SMG5: variants seen among roughly 807,000 people sequenced by gnomAD.
SMG5 encodes the protein nonsense-mediated mRNA decay factor SMG5.
A neutral mutation model predicts 122.9 loss-of-function variants in SMG5; 53 were observed. That is an observed-to-expected ratio of 0.43 (90% CI 0.35 to 0.54). SMG5 has a LOEUF of 0.54. SMG5 is among the 20% of genes least tolerant of loss of function. The pLI is 0.01. For synonymous variants in SMG5, 477 were observed against 490.2 expected (o/e 0.97, Z 0.35); for missense variants, 1,153 against 1,285.6 (o/e 0.90, Z 1.58).
the SMG5 span, among the ~76,000 whole-genome samples, chr1:156,289,808 T>G: frequency 6.6e-6 from 1 of 152,190 alleles, no homozygotes; most frequent in African/African-American, 2.4e-5. Context: ...AGGAAGTTGC[T>G]CTCCCCTCCC....
At chr1:156,274,503 T>C (rs1281383564) in intron 5 of SMG5, 94 bp downstream of exon 5, 1 of 1,123,196 alleles carries the variant, frequency 8.9e-7, no homozygotes, top group Non-Finnish European at 1.4e-6. Context: ...TCCCTCCTGC[T>C]CTCCAACCAT....
chr1:156,288,798 A>G, the SMG5 span, among the ~76,000 whole-genome samples: 1 of 152,158 alleles, frequency 6.6e-6, no homozygotes, highest in Non-Finnish European at 1.5e-5. Flanking sequence ...TTTTCTCCCA[A>G]TAGGTTTTCC....
chr1:156,280,194 G>T (rs1662868523), intron 1 of SMG5, among the ~76,000 whole-genome samples: 1 of 152,252 alleles, frequency 6.6e-6, no homozygotes, highest in South Asian at 2.1e-4. Flanking sequence ...CCAGAGGTAG[G>T]TCTCATATCT....
chr1:156,286,820 T>C (rs2101589119), upstream of SMG5, among the ~76,000 whole-genome samples: 1 of 152,306 alleles, frequency 6.6e-6, no homozygotes, highest in Middle Eastern at 3.4e-3. Context: ...AAAATAGATA[T>C]ATTTTTTCAA....
At chr1:156,289,376 A>G in the SMG5 span, among the ~76,000 whole-genome samples, 1 of 152,214 alleles carries the variant, frequency 6.6e-6, no homozygotes, top group Non-Finnish European at 1.5e-5. Flanking sequence ...TGGGAGGCCA[A>G]GGCGGGTGGA....
At chr1:156,251,266 T>G in intron 20 of SMG5, 137 bp downstream of exon 20, 2 of 1,070,918 alleles carry the variant, frequency 1.9e-6, no homozygotes, top group Non-Finnish European at 2.9e-6. Flanking sequence ...CCTCGCAAGG[T>G]GAGGCCTGCA....
In SMG5 at chr1:156,273,442, G is replaced by C; in HGVS notation, c.553C>G (p.Gln185Glu). Residue 185 changes from glutamine to glutamate, a missense_variant, in exon 6 of 22, where the codon CAG becomes GAG. Gln to Glu is a conservative substitution (Grantham distance 29, BLOSUM62 2). Around this residue, in one of 5 missense-constraint regions of SMG5, gnomAD observed 85 missense variants for 127.3 expected, o/e 0.67. Transcript: ENST00000361813. Reference protein sequence around the residue: ...LVYLGDLSRYQNELAGVDTEL... With the variant: ...LVYLGDLSRYENELAGVDTEL... ...GTATCTACGCCAGCTAATTCATTCT[G>C]ATATCGGGCTGCACAAGAGAGAAAA... 1 of 1,613,860 alleles carries C rather than the reference G, an allele frequency of 6.2e-7. No homozygotes were observed. The highest frequency in any genetic ancestry group is 8.5e-7 in the Non-Finnish European group (1 of 1,179,912).
chr1:156,267,316 G>T (rs1178891608), intron 10 of SMG5, among the ~76,000 whole-genome samples, 154 bp downstream of exon 10: 1 of 152,194 alleles, frequency 6.6e-6, no homozygotes, highest in Non-Finnish European at 1.5e-5. Context: ...TTTAGGGTAG[G>T]ATCCCTTGGC....
At chr1:156,277,291 G>T in intron 3 of SMG5, 50 bp from the exon 4 acceptor site, 1 of 1,576,956 alleles carries the variant, frequency 6.3e-7, no homozygotes, top group South Asian at 1.2e-5. Context: ...ACTCAGAGTC[G>T]CACTCACCCT....
Position 156,267,674 on chromosome 1 carries a change from C to A in SMG5, c.913G>T (p.Val305Leu). The change falls in exon 10 of 22, where the codon GTG becomes TTG. Residue 305 changes from valine (V) to leucine (L), a missense_variant. Around this residue, in one of 5 missense-constraint regions of SMG5, gnomAD observed 631 missense variants for 650.6 expected, o/e 0.97. Coordinates refer to ENST00000361813, the MANE Select transcript of SMG5 (RefSeq NM_015327.3). ...QSLLQPKSSS[V>L]DSELTSLCQS... ...CAAAGTGAGGTCAGCTCTGAGTCCA[C>A]GGAGCTACAGAGGGGCAGGAGTAAC... 1.2e-6 allele frequency: 2 copies of A among 1,607,450 alleles called. No homozygotes were observed. Among genetic ancestry groups the A allele is most frequent in the South Asian group, 1.1e-5 (1 of 90,336 alleles).
the SMG5 span, among the ~76,000 whole-genome samples, chr1:156,288,352 T>C: frequency 6.6e-6 from 1 of 151,794 alleles, no homozygotes; most frequent in Non-Finnish European, 1.5e-5. Flanking sequence ...TTTTTTTTTT[T>C]TGAGATGGTG....
At chr1:156,266,904 G>A (rs1662178831) in intron 10 of SMG5, among the ~76,000 whole-genome samples, 1 of 151,776 alleles carries the variant, frequency 6.6e-6, no homozygotes, top group Non-Finnish European at 1.5e-5. Flanking sequence ...GCCTCCCAAA[G>A]TGCTGGGATT....
At chr1:156,278,198 CA>C (rs1199964400) in intron 2 of SMG5, 150 bp from the exon 3 acceptor site, 6 of 946,356 alleles carry the variant, frequency 6.3e-6, no homozygotes, top group Non-Finnish European at 9.1e-6. Flanking sequence ...CCCAGCACAA[CA>C]GCAGCCTAGG....
intron 13 of SMG5, among the ~76,000 whole-genome samples, chr1:156,262,804 A>G (rs527642452): frequency 6.6e-6 from 1 of 152,322 alleles, no homozygotes; most frequent in African/African-American, 2.4e-5. Context: ...AAAGTCTTCC[A>G]CAGCAGGGCA....
intron 1 of SMG5, among the ~76,000 whole-genome samples, chr1:156,279,523 T>TACCCA (rs1310161653): frequency 5.9e-5 from 9 of 152,190 alleles, no homozygotes; most frequent in Non-Finnish European, 1.3e-4. Context: ...TTGGGCAAAT[T>TACCCA]ACCCACCCTT....
intron 4 of SMG5, 86 bp from the exon 5 acceptor site, chr1:156,274,772 C>T: frequency 2.8e-6 from 3 of 1,060,994 alleles, no homozygotes; most frequent in Non-Finnish European, 4.3e-6. Context: ...GATGTAGAGA[C>T]TAAGAATCCA....
intron 16 of SMG5, among the ~76,000 whole-genome samples, chr1:156,254,243 A>C (rs2103207913): frequency 6.6e-6 from 1 of 152,268 alleles, no homozygotes; most frequent in South Asian, 2.1e-4. Context: ...CCTCTAATTC[A>C]ATCCCTCTTC....
upstream of SMG5, chr1:156,286,020 G>A (rs1477305979): frequency 1.3e-6 from 2 of 1,573,126 alleles, no homozygotes; most frequent in Non-Finnish European, 1.7e-6. Context: ...TCGGGAAGTG[G>A]ACTTGAGGAG....
intron 6 of SMG5, 121 bp downstream of exon 6, chr1:156,273,238 CGA>C: frequency 1.3e-6 from 1 of 754,770 alleles, no homozygotes; most frequent in Middle Eastern, 3.8e-4. Context: ...AGGTGAAGTA[CGA>C]GAGAGCTGAG....
Sources: allele counts gnomAD v4.1 joint callset (sites outside exome capture counted in the v4.1 genomes callset), GRCh38; gene constraint gnomAD v4.1.1; regional missense constraint gnomAD v4.1.1; transcripts MANE v1.5; gene names NCBI Gene and HGNC (gene_info 2026-07-23, HGNC 2026-07-21).